DCDC1: variants seen among roughly 807,000 people sequenced by gnomAD.
DCDC1 encodes the protein doublecortin domain-containing protein 1.
DCDC1 carries 200 observed loss-of-function variants against 178.3 expected under a neutral mutation model. The ratio of observed to expected loss-of-function variants is 1.12; its 90% CI spans 1.00 to 1.26. The LOEUF (loss-of-function observed/expected upper bound fraction) is 1.26. DCDC1 is among the 50% of genes most tolerant of loss of function. DCDC1 has a pLI of 0.00. For missense variants in DCDC1, 1,983 were observed against 1,749.2 expected (o/e 1.13, Z -2.38); for synonymous variants, 690 against 604.8 (o/e 1.14, Z -2.07).
intron 20 of DCDC1, among the ~76,000 whole-genome samples, chr11:30,988,038 A>G (rs1006379611): frequency 6.6e-6 from 1 of 152,186 alleles, no homozygotes; most frequent in African/African-American, 2.4e-5. Context: ...AGAGGTGGGC[A>G]GAAGCCAGAC....
At chr11:31,204,177 T>C (rs2136458900) in intron 9 of DCDC1, among the ~76,000 whole-genome samples, 1 of 152,298 alleles carries the variant, frequency 6.6e-6, no homozygotes, top group South Asian at 2.1e-4. Context: ...AACCACAGCA[T>C]GCCATTGGTA....
chr11:31,045,388 C>A (rs893392348), intron 20 of DCDC1, among the ~76,000 whole-genome samples: 2 of 149,672 alleles, frequency 1.3e-5, no homozygotes, highest in African/African-American at 5.0e-5. Flanking sequence ...TTTTTCTTTT[C>A]TTTTTCCTTT....
At chr11:31,283,367 T>G (rs974380031) in intron 7 of DCDC1, among the ~76,000 whole-genome samples, 3 of 29,228 alleles carry the variant, frequency 1.0e-4, no homozygotes, top group Admixed American at 3.3e-4. Flanking sequence ...AAACCCAGGT[T>G]TTTTTTTTTG....
intron 7 of DCDC1, among the ~76,000 whole-genome samples, chr11:31,287,822 A>G (rs866487546): frequency 2.0e-5 from 3 of 151,908 alleles, no homozygotes; most frequent in African/African-American, 4.8e-5. Flanking sequence ...AGAGAGAACG[A>G]TAACTCCCAG....
At chr11:31,023,379 A>G (rs1953015814) in intron 20 of DCDC1, among the ~76,000 whole-genome samples, 1 of 152,086 alleles carries the variant, frequency 6.6e-6, no homozygotes, top group Admixed American at 6.6e-5. Flanking sequence ...ATGGCAGTAC[A>G]ATATGGTAAT....
At chr11:30,939,621 G>A (rs182731696) in intron 21 of DCDC1, among the ~76,000 whole-genome samples, 88 of 152,184 alleles carry the variant, frequency 5.8e-4, no homozygotes, top group Admixed American at 2.6e-3. Flanking sequence ...GTTATAAACC[G>A]TCCCTTTCCT....
At chr11:31,327,829 G>A (rs1949730266) in intron 3 of DCDC1, among the ~76,000 whole-genome samples, 1 of 152,060 alleles carries the variant, frequency 6.6e-6, no homozygotes. Flanking sequence ...CTAGGATCAA[G>A]CGATTCTCCT....
intron 38 of DCDC1, among the ~76,000 whole-genome samples, chr11:30,869,512 A>G (rs969204950): frequency 2.0e-5 from 3 of 152,216 alleles, no homozygotes; most frequent in African/African-American, 7.2e-5. Flanking sequence ...CTGGGAACAC[A>G]ATTCTGAACA....
intron 20 of DCDC1, among the ~76,000 whole-genome samples, chr11:31,019,108 A>G (rs924128466): frequency 6.6e-6 from 1 of 152,154 alleles, no homozygotes; most frequent in Non-Finnish European, 1.5e-5. Context: ...TAAGAAAGTT[A>G]CATCACATCC....
intron 1 of DCDC1, among the ~76,000 whole-genome samples, chr11:31,353,515 A>G (rs996349018): frequency 6.6e-6 from 1 of 152,214 alleles, no homozygotes; most frequent in African/African-American, 2.4e-5. Context: ...CATTGGTGAC[A>G]ATGCCTAAAT....
intron 20 of DCDC1, among the ~76,000 whole-genome samples, chr11:30,977,565 G>A (rs1950169617): frequency 6.6e-6 from 1 of 152,074 alleles, no homozygotes; most frequent in African/African-American, 2.4e-5. Context: ...AATATTTAAT[G>A]AATATATTTG....
At chr11:31,191,809 A>G (rs1970164977) in intron 9 of DCDC1, among the ~76,000 whole-genome samples, 1 of 152,046 alleles carries the variant, frequency 6.6e-6, no homozygotes, top group South Asian at 2.1e-4. Flanking sequence ...ATTCATTTCC[A>G]TCTATCTACT....
chr11:31,031,018 A>G (rs1289750645), intron 20 of DCDC1, among the ~76,000 whole-genome samples: 6 of 152,200 alleles, frequency 3.9e-5, no homozygotes, highest in Non-Finnish European at 8.8e-5. Context: ...AAGGTTATGT[A>G]CCTTATAAAA....
intron 15 of DCDC1, among the ~76,000 whole-genome samples, chr11:31,098,623 T>A (rs1326110032): frequency 6.6e-6 from 1 of 152,196 alleles, no homozygotes; most frequent in East Asian, 1.9e-4. Flanking sequence ...CCTGTTGTAA[T>A]CCTCTTAGTG....
chr11:31,313,195 T>C (rs1199502288), intron 3 of DCDC1, among the ~76,000 whole-genome samples: 3 of 152,204 alleles, frequency 2.0e-5, no homozygotes, highest in African/African-American at 7.2e-5. Flanking sequence ...TAATTTTCCA[T>C]TATTTAATTT....
chr11:31,243,470 TAG>T (rs887871381), intron 8 of DCDC1, among the ~76,000 whole-genome samples: 1 of 151,766 alleles, frequency 6.6e-6, no homozygotes, highest in Admixed American at 6.6e-5. Flanking sequence ...ATTTACACCC[TAG>T]AGTTAATCTT....
chr11:31,028,246 T>G (rs1412548513), intron 20 of DCDC1, among the ~76,000 whole-genome samples: 2 of 151,662 alleles, frequency 1.3e-5, no homozygotes, highest in Non-Finnish European at 3.0e-5. Flanking sequence ...CATAAAACCA[T>G]GAGATTGTTT....
At position 31,012,950 on chromosome 11, in the gene DCDC1, G is replaced by A. The variant is rs556402389; in HGVS notation, c.2591+51519C>T. Among the ~76,000 whole-genome samples the A allele has an allele frequency of 6.6e-5, 10 of 152,208 alleles. No individual in the cohort carries two copies. The South Asian group carries it at 2.1e-3, about 32-fold the overall frequency. ...GAACGACTAAGGGAAATGTGATCAGGAAATGGTACACTGGGATTTCCAAAT... is the reference window on the plus strand; with the variant it reads ...GAACGACTAAGGGAAATGTGATCAGAAAATGGTACACTGGGATTTCCAAAT... On this transcript the variant is annotated intron_variant, in intron 20 of 38. Transcript: ENST00000684477.
chr11:31,105,042 A>C (rs941222521), intron 13 of DCDC1, among the ~76,000 whole-genome samples: 1 of 152,144 alleles, frequency 6.6e-6, no homozygotes, highest in African/African-American at 2.4e-5. Flanking sequence ...TACTTACTGA[A>C]AATGAAAACG....
Sources: gnomAD v4.1 joint callset for allele counts (sites outside exome capture counted in the v4.1 genomes callset) on GRCh38, gnomAD v4.1.1 for gene constraint, MANE v1.5 for transcripts, NCBI Gene and HGNC (gene_info 2026-07-23, HGNC 2026-07-21) for gene names.